Variants in NPAS3 observed in about 807,000 individuals in gnomAD.
NPAS3 encodes the protein neuronal PAS domain-containing protein 3.
A neutral mutation model predicts 73.1 loss-of-function variants in NPAS3; 14 were observed. The ratio of observed to expected loss-of-function variants is 0.19; its 90% CI spans 0.13 to 0.30. The LOEUF (loss-of-function observed/expected upper bound fraction) is 0.30. NPAS3 is among the 10% of genes least tolerant of loss of function. NPAS3 has a pLI of 1.00. For missense variants in NPAS3, 1,096 were observed against 1,250.0 expected (o/e 0.88, Z 1.86); for synonymous variants, 620 against 541.5 (o/e 1.14, Z -2.01).
At chr14:33,309,295 C>T (rs1427492762) in intron 3 of NPAS3, among the ~76,000 whole-genome samples, 6 of 152,200 alleles carry the variant, frequency 3.9e-5, no homozygotes, top group Admixed American at 3.9e-4. Context: ...GCCTTGCAGT[C>T]TGCTCACTCA....
intron 1 of NPAS3, among the ~76,000 whole-genome samples, chr14:33,044,705 C>T (rs1311097210): frequency 6.7e-6 from 1 of 148,908 alleles, no homozygotes; most frequent in Admixed American, 6.7e-5. Context: ...ATTGAAATGA[C>T]CTGTGATGAG....
intron 4 of NPAS3, among the ~76,000 whole-genome samples, chr14:33,539,138 G>A (rs1045479345): frequency 2.0e-5 from 3 of 152,026 alleles, no homozygotes; most frequent in African/African-American, 7.2e-5. Flanking sequence ...GGAAGGAAAC[G>A]TTTCCTGTCT....
intron 1 of NPAS3, among the ~76,000 whole-genome samples, chr14:32,970,829 A>G (rs1315238244): frequency 2.0e-5 from 3 of 152,122 alleles, no homozygotes; most frequent in East Asian, 3.9e-4. Flanking sequence ...CATTTGTGTA[A>G]GAACACTGGC....
At chr14:33,162,980 C>T (rs903679340) in intron 2 of NPAS3, among the ~76,000 whole-genome samples, 16 of 152,172 alleles carry the variant, frequency 1.1e-4, no homozygotes. Context: ...TCTTTGAAAT[C>T]ATTACTGCTG....
intron 1 of NPAS3, among the ~76,000 whole-genome samples, chr14:32,952,081 ATG>A (rs555883208): frequency 5.1e-4 from 77 of 152,008 alleles, no homozygotes; most frequent in Non-Finnish European, 9.7e-4. Context: ...TAATTTCTAT[ATG>A]TGTGTGTAGA....
At chr14:33,043,003 G>T (rs2040393769) in intron 1 of NPAS3, among the ~76,000 whole-genome samples, 1 of 152,044 alleles carries the variant, frequency 6.6e-6, no homozygotes, top group African/African-American at 2.4e-5. Flanking sequence ...ATATTATCTT[G>T]CTGCTGCTGC....
In NPAS3 at chr14:33,541,954, A is replaced by C. The variant is rs10133604; in HGVS notation, c.469-18167A>C. Among the ~76,000 whole-genome samples the C allele has an allele frequency of 4.3e-3, 658 of 152,192 alleles. 7 individuals carry two copies. Among genetic ancestry groups the C allele is most frequent in the African/African-American group, 0.015 (611 of 41,518 alleles). On this transcript the variant is annotated intron_variant, in intron 4 of 11. Transcript: ENST00000356141. ...TTTTCTTTATAACAGCATTATAGAC[A>C]TCTCACTGAGGCAGGTTAGCCTCCG...
At chr14:33,199,287 C>T (rs554326045) in intron 2 of NPAS3, among the ~76,000 whole-genome samples, 62 of 152,340 alleles carry the variant, frequency 4.1e-4, no homozygotes, top group Middle Eastern at 3.4e-3. Context: ...AGCACGTTGT[C>T]ACCTCTCACT....
chr14:33,684,164 G>T (rs1021501748), intron 6 of NPAS3, among the ~76,000 whole-genome samples: 9 of 151,736 alleles, frequency 5.9e-5, no homozygotes, highest in South Asian at 4.2e-4. Context: ...TTCTCCAAGG[G>T]GATTCTGAAG....
intron 5 of NPAS3, among the ~76,000 whole-genome samples, chr14:33,631,193 C>A (rs2058368274): frequency 6.6e-6 from 1 of 152,188 alleles, no homozygotes; most frequent in Admixed American, 6.5e-5. Context: ...AGCTGAATCA[C>A]AAACTAATGA....
At chr14:33,489,853 A>G (rs1204954697) in intron 4 of NPAS3, among the ~76,000 whole-genome samples, 1 of 152,166 alleles carries the variant, frequency 6.6e-6, no homozygotes, top group African/African-American at 2.4e-5. Flanking sequence ...TTCAAACAGA[A>G]CATGTAGGTC....
intron 1 of NPAS3, among the ~76,000 whole-genome samples, chr14:32,993,090 C>T (rs2038401947): frequency 6.7e-6 from 1 of 148,766 alleles, no homozygotes; most frequent in South Asian, 2.1e-4. Context: ...GTGGAGGTTG[C>T]AGTGAGCCTA....
At chr14:33,308,527 T>TACACACACACACACACACACACACAC (rs1555371843) in intron 3 of NPAS3, among the ~76,000 whole-genome samples, 2 of 103,724 alleles carry the variant, frequency 1.9e-5, no homozygotes, top group East Asian at 2.8e-4. Context: ...TATATATATA[T>TACACACACACACACACACACACACAC]ACATACACAC....
chr14:33,739,379 A>G (rs916218378), intron 7 of NPAS3, among the ~76,000 whole-genome samples: 1 of 152,202 alleles, frequency 6.6e-6, no homozygotes, highest in African/African-American at 2.4e-5. Flanking sequence ...AAAGAATTCT[A>G]AAGAAATAAT....
chr14:33,029,602 A>G (rs1414139515), intron 1 of NPAS3, among the ~76,000 whole-genome samples: 1 of 152,178 alleles, frequency 6.6e-6, no homozygotes, highest in Non-Finnish European at 1.5e-5. Flanking sequence ...TAGCATTTCT[A>G]GTCTTTTGCT....
rs2046206389 is a variant in NPAS3 at position 33,192,503 on chromosome 14, G to A, written c.141-22679G>A. Among the ~76,000 whole-genome samples the A allele has an allele frequency of 2.6e-5, 4 of 152,338 alleles. No individual in the cohort carries two copies. The South Asian group carries it at 8.3e-4, about 32-fold the overall frequency. Reference sequence around the variant, plus strand: ...GGATGCTGGAAGGTGAGTCTTGCCAGTGTGTTGGCTGAACACCAGCTTGGC... The same window carrying A: ...GGATGCTGGAAGGTGAGTCTTGCCAATGTGTTGGCTGAACACCAGCTTGGC... On this transcript the variant is annotated intron_variant, in intron 2 of 11. Coordinates refer to ENST00000356141, the Ensembl canonical transcript of NPAS3.
chr14:33,221,854 G>A (rs2047442544), intron 3 of NPAS3, among the ~76,000 whole-genome samples: 1 of 152,102 alleles, frequency 6.6e-6, no homozygotes, highest in Admixed American at 6.6e-5. Context: ...GGGTAAAAGT[G>A]TAATAACTTT....
intron 4 of NPAS3, among the ~76,000 whole-genome samples, chr14:33,379,545 A>G (rs1420410579): frequency 6.6e-6 from 1 of 152,168 alleles, no homozygotes; most frequent in Non-Finnish European, 1.5e-5. Flanking sequence ...GGCATCAGCT[A>G]GGAATGACGT....
chr14:33,156,688 A>C (rs188445855), intron 2 of NPAS3, among the ~76,000 whole-genome samples: 314 of 152,286 alleles, frequency 2.1e-3, no homozygotes, highest in African/African-American at 7.2e-3. Flanking sequence ...AAAGAAATGG[A>C]TTATATTTTT....
Sources: gnomAD v4.1 joint callset for allele counts (sites outside exome capture counted in the v4.1 genomes callset) on GRCh38, gnomAD v4.1.1 for gene constraint, MANE v1.5 for transcripts, NCBI Gene and HGNC (gene_info 2026-07-23, HGNC 2026-07-21) for gene names.